Variants in MIGA1 observed in about 807,000 individuals in gnomAD.
The protein encoded by MIGA1 is mitoguardin 1, also known as family with sequence similarity 73, member A.
In MIGA1, 58 loss-of-function variants were observed where a neutral mutation model predicts 82.0. The observed-to-expected ratio is 0.71, with a 90% CI of 0.57 to 0.88. The LOEUF (loss-of-function observed/expected upper bound fraction) is 0.88, where lower values mean the gene tolerates loss of function less well. MIGA1 is among the 40% of genes least tolerant of loss of function. The pLI, the probability that MIGA1 is intolerant of heterozygous loss-of-function variation, is 0.00. For missense variants in MIGA1, 751 were observed against 749.1 expected (o/e 1.00, Z -0.03); for synonymous variants, 249 against 253.6 (o/e 0.98, Z 0.17).
At chr1:77,836,796 GT>G (rs1684440404) in intron 7 of MIGA1, among the ~76,000 whole-genome samples, 1 of 152,082 alleles carries the variant, frequency 6.6e-6, no homozygotes, top group Non-Finnish European at 1.5e-5. Flanking sequence ...AAAGCAGTAA[GT>G]TTTTTTCTTT....
At chr1:77,833,652 G>A (rs1242878988) in intron 7 of MIGA1, among the ~76,000 whole-genome samples, 1 of 152,178 alleles carries the variant, frequency 6.6e-6, no homozygotes, top group African/African-American at 2.4e-5. Flanking sequence ...TCAGGAAGAT[G>A]CAGGTCTAGT....
intron 1 of MIGA1, among the ~76,000 whole-genome samples, chr1:77,780,380 A>G (rs1681852653): frequency 6.6e-6 from 1 of 152,230 alleles, no homozygotes; most frequent in East Asian, 1.9e-4. Context: ...GGGAAGACTC[A>G]GCTTGTTTTT....
intron 8 of MIGA1, chr1:77,853,998 T>G (rs1311934362): frequency 5.8e-6 from 1 of 171,350 alleles, no homozygotes; most frequent in African/African-American, 2.4e-5. Context: ...ACCTGAGCAG[T>G]ATATACTGCA....
intron 5 of MIGA1, among the ~76,000 whole-genome samples, chr1:77,808,157 C>CT (rs1224608341): frequency 1.4e-5 from 2 of 140,536 alleles, no homozygotes; most frequent in South Asian, 2.3e-4. Flanking sequence ...TTATTATACT[C>CT]TAAGTTTTAG....
At chr1:77,802,635 T>A (rs1682931130) in intron 3 of MIGA1, among the ~76,000 whole-genome samples, 1 of 151,982 alleles carries the variant, frequency 6.6e-6, no homozygotes, top group African/African-American at 2.4e-5. Flanking sequence ...AAAATTGTTT[T>A]TTTTGGTGTG....
At chr1:77,826,312 A>G (rs1362625562) in intron 7 of MIGA1, among the ~76,000 whole-genome samples, 3 of 152,240 alleles carry the variant, frequency 2.0e-5, no homozygotes, top group Admixed American at 6.5e-5. Context: ...TTATAAATCT[A>G]CCTTTTTCCG....
chr1:77,798,596 C>A (rs1177230746), intron 2 of MIGA1, among the ~76,000 whole-genome samples: 1 of 152,156 alleles, frequency 6.6e-6, no homozygotes, highest in Non-Finnish European at 1.5e-5. Flanking sequence ...GGCCAACTCA[C>A]AACACGTGGG....
At chr1:77,779,943 C>T (rs1371640348) in intron 1 of MIGA1, 1 of 1,370,580 alleles carries the variant, frequency 7.3e-7, no homozygotes, top group East Asian at 2.9e-5. Flanking sequence ...CGTCTCATCT[C>T]AGAAGCTAAG....
intron 5 of MIGA1, among the ~76,000 whole-genome samples, chr1:77,812,970 C>T (rs1683400915): frequency 6.6e-6 from 1 of 152,076 alleles, no homozygotes; most frequent in Non-Finnish European, 1.5e-5. Context: ...ATATTATTAT[C>T]TTTTCTTCAG....
intron 14 of MIGA1, among the ~76,000 whole-genome samples, chr1:77,871,025 A>C (rs1180555738): frequency 2.8e-5 from 4 of 144,984 alleles, no homozygotes; most frequent in African/African-American, 1.0e-4. Context: ...CAGTGAGCCG[A>C]GATGGCAGCA....
chr1:77,783,084 T>C (rs1207244293), intron 1 of MIGA1, among the ~76,000 whole-genome samples, 154 bp from the exon 2 acceptor site: 4 of 152,106 alleles, frequency 2.6e-5, no homozygotes, highest in Non-Finnish European at 5.9e-5. Context: ...ACGCGTTTGG[T>C]GATTAATAAA....
chr1:77,872,917 T>A (rs975097671), intron 14 of MIGA1, 87 bp from the exon 15 acceptor site: 1 of 1,550,866 alleles, frequency 6.4e-7, no homozygotes, highest in Non-Finnish European at 8.8e-7. Flanking sequence ...ACTGGTCATA[T>A]AATGAATAGC....
Position 77,860,126 on chromosome 1 carries a change from G to A in MIGA1, c.1275G>A (p.Lys425=), listed in dbSNP as rs1452927232. The A allele has an allele frequency of 6.2e-7, 1 of 1,602,048 alleles. No individual in the cohort carries two copies. Among genetic ancestry groups the A allele is most frequent in the Non-Finnish European group, 8.5e-7 (1 of 1,171,760 alleles). ...CAGCTTTAATTGTGAAAGCACGAAAGGTAAACTTGTTCTGTTGGCAAGATT... is the reference window on the plus strand; with the variant it reads ...CAGCTTTAATTGTGAAAGCACGAAAAGTAAACTTGTTCTGTTGGCAAGATT... Residue 425 remains lysine (K), a splice_region_variant and synonymous_variant, in exon 11 of 16, where the codon AAG becomes AAA. Transcript: ENST00000370791.
chr1:77,823,646 G>A (rs576043765), intron 7 of MIGA1, among the ~76,000 whole-genome samples: 6 of 152,050 alleles, frequency 3.9e-5, no homozygotes, highest in Non-Finnish European at 8.8e-5. Flanking sequence ...GTCACTGCAG[G>A]CTCAAACTCC....
At position 77,815,195 on chromosome 1, in the gene MIGA1, G is replaced by A; in HGVS notation, c.859G>A (p.Gly287Arg). ...CCAAGAGGAGTTTGAAGCTACCCTT[G>A]GGGCATCTGATCCTAATTCCCTTGC... Residue 287 changes from glycine (G) to arginine (R), a missense_variant, in exon 7 of 16, where the codon GGG (glycine) becomes AGG (arginine). Around this residue, in one of 3 missense-constraint regions of MIGA1, gnomAD observed 482 missense variants for 439.4 expected, o/e 1.10. Transcript: ENST00000370791. 3 of 1,607,956 alleles carry A rather than the reference G, an allele frequency of 1.9e-6. No individual in the cohort carries two copies. In the South Asian group the frequency reaches 3.3e-5, roughly 18 times the overall value.
chr1:77,784,188 A>T (rs1682046967), intron 2 of MIGA1, among the ~76,000 whole-genome samples: 1 of 152,180 alleles, frequency 6.6e-6, no homozygotes. Context: ...TTGCTGGATC[A>T]TACAGTAATT....
At chr1:77,851,705 A>G (rs2101912185) in intron 8 of MIGA1, among the ~76,000 whole-genome samples, 1 of 152,264 alleles carries the variant, frequency 6.6e-6, no homozygotes, top group African/African-American at 2.4e-5. Context: ...CTGCAGTCTT[A>G]TTTTAGGAGG....
intron 2 of MIGA1, among the ~76,000 whole-genome samples, chr1:77,788,820 G>A (rs1682288057): frequency 6.6e-6 from 1 of 152,144 alleles, no homozygotes; most frequent in African/African-American, 2.4e-5. Flanking sequence ...GCTTTATAGT[G>A]AGTTTTGAAA....
chr1:77,827,702 C>T (rs759150810), intron 7 of MIGA1, among the ~76,000 whole-genome samples: 1 of 152,080 alleles, frequency 6.6e-6, no homozygotes, highest in African/African-American at 2.4e-5. Flanking sequence ...CTAGTACACA[C>T]CAAGAACTAG....
Sources: allele counts gnomAD v4.1 joint callset (sites outside exome capture counted in the v4.1 genomes callset), GRCh38; gene constraint gnomAD v4.1.1; regional missense constraint gnomAD v4.1.1; transcripts MANE v1.5; gene names NCBI Gene and HGNC (gene_info 2026-07-23, HGNC 2026-07-21).